Variants in TAFA2 observed in about 807,000 individuals in gnomAD.
TAFA2 encodes chemokine-like protein TAFA-2.
In TAFA2, 7 loss-of-function variants were observed where a neutral mutation model predicts 18.8. The ratio of observed to expected loss-of-function variants is 0.37; its 90% confidence interval spans 0.21 to 0.70. The LOEUF (loss-of-function observed/expected upper bound fraction) is 0.70, where lower values mean the gene tolerates loss of function less well. Ranked by LOEUF, TAFA2 falls within the 30% of genes least tolerant of loss-of-function variation. TAFA2 has a pLI of 0.53. For synonymous variants in TAFA2, 60 were observed against 54.2 expected, an observed-to-expected ratio of 1.11 and a Z score of -0.47; for missense variants, 122 against 158.1, an observed-to-expected ratio of 0.77 and a Z score of 1.23.
At chr12:62,210,257 A>G (rs1018443735) in intron 1 of TAFA2, among the ~76,000 whole-genome samples, 5 of 152,102 alleles carry the variant, frequency 3.3e-5, no homozygotes, top group Non-Finnish European at 7.4e-5. Context: ...TTTTCCCTCA[A>G]GAGCATCAAC....
At chr12:61,922,330 G>C (rs971981268) in intron 1 of TAFA2, among the ~76,000 whole-genome samples, 5 of 151,418 alleles carry the variant, frequency 3.3e-5, no homozygotes, top group African/African-American at 1.2e-4. Flanking sequence ...AATAGGAACA[G>C]CTCCGGTCTG....
intron 1 of TAFA2, among the ~76,000 whole-genome samples, chr12:62,094,226 T>A (rs1350308434): frequency 3.9e-5 from 6 of 152,018 alleles, no homozygotes; most frequent in Admixed American, 6.6e-5. Context: ...TTAGCCTCAC[T>A]CCGGAATGGA....
intron 2 of TAFA2, among the ~76,000 whole-genome samples, chr12:61,861,009 G>A (rs1004500412): frequency 1.3e-5 from 2 of 152,150 alleles, no homozygotes; most frequent in African/African-American, 4.8e-5. Flanking sequence ...GGAGTGCAGT[G>A]GTACAATCTT....
chr12:61,922,818 A>G (rs879057072), intron 1 of TAFA2, among the ~76,000 whole-genome samples: 26 of 152,280 alleles, frequency 1.7e-4, no homozygotes, highest in Admixed American at 3.9e-4. Context: ...ATCCACCCCC[A>G]TGGAGCCCAG....
At chr12:61,718,690 A>AT (rs1869765507) in intron 4 of TAFA2, among the ~76,000 whole-genome samples, 1 of 152,190 alleles carries the variant, frequency 6.6e-6, no homozygotes, top group African/African-American at 2.4e-5. Flanking sequence ...TGAAATTCTG[A>AT]ACTCAATTCA....
At chr12:61,710,591 C>T (rs922879264) in intron 4 of TAFA2, among the ~76,000 whole-genome samples, 174 bp from the exon 5 acceptor site, 1 of 152,056 alleles carries the variant, frequency 6.6e-6, no homozygotes, top group African/African-American at 2.4e-5. Context: ...TAAAAATATA[C>T]TTTTTTTCTC....
intron 1 of TAFA2, among the ~76,000 whole-genome samples, chr12:62,046,263 T>G (rs767903395): frequency 5.3e-5 from 8 of 152,140 alleles, no homozygotes; most frequent in Non-Finnish European, 1.5e-5. Context: ...GATAAGTCAG[T>G]TCTTGCACTG....
intron 1 of TAFA2, among the ~76,000 whole-genome samples, chr12:62,120,782 T>C (rs1175668550): frequency 6.6e-6 from 1 of 152,048 alleles, no homozygotes; most frequent in Non-Finnish European, 1.5e-5. Flanking sequence ...TCTAGTGGGG[T>C]ATCCCATCTA....
At chr12:62,109,418 C>T (rs1869618306) in intron 1 of TAFA2, among the ~76,000 whole-genome samples, 1 of 152,162 alleles carries the variant, frequency 6.6e-6, no homozygotes, top group African/African-American at 2.4e-5. Context: ...TAGTATGATG[C>T]CTCCACCTTT....
intron 1 of TAFA2, among the ~76,000 whole-genome samples, chr12:62,059,546 C>T (rs992362983): frequency 1.3e-5 from 2 of 150,726 alleles, no homozygotes; most frequent in Non-Finnish European, 3.0e-5. Flanking sequence ...TGGGGCGGGG[C>T]GGGGGGTTGC....
chr12:61,967,085 G>A (rs1319709441), intron 1 of TAFA2, among the ~76,000 whole-genome samples: 1 of 151,880 alleles, frequency 6.6e-6, no homozygotes, highest in Non-Finnish European at 1.5e-5. Flanking sequence ...AGTGATGAGA[G>A]ACTATATTAC....
At chr12:62,027,305 C>G (rs1022616880) in intron 1 of TAFA2, among the ~76,000 whole-genome samples, 10 of 152,158 alleles carry the variant, frequency 6.6e-5, no homozygotes, top group African/African-American at 2.4e-4. Context: ...AGGAAAGGAA[C>G]TAAGAACATA....
intron 1 of TAFA2, among the ~76,000 whole-genome samples, chr12:62,099,634 G>A (rs1043273641): frequency 1.3e-5 from 2 of 152,104 alleles, no homozygotes; most frequent in African/African-American, 2.4e-5. Flanking sequence ...ATTGAGAATG[G>A]AGCATTTTAG....
At chr12:61,737,625 G>A (rs1290789443) in intron 4 of TAFA2, among the ~76,000 whole-genome samples, 3 of 151,150 alleles carry the variant, frequency 2.0e-5, no homozygotes, top group African/African-American at 7.3e-5. Flanking sequence ...TATAAATGAA[G>A]ACAATCCATA....
At chr12:62,227,449 A>C (rs2062791880) in intron 1 of TAFA2, among the ~76,000 whole-genome samples, 1 of 152,154 alleles carries the variant, frequency 6.6e-6, no homozygotes, top group African/African-American at 2.4e-5. Flanking sequence ...AGCTCTGCAG[A>C]TCTTTTGCCC....
At position 62,044,067 on chromosome 12, in the gene TAFA2, A is replaced by G. The variant is rs576585796; in HGVS notation, c.-2+147192T>C. Among the ~76,000 whole-genome samples, 254 of 152,270 alleles carry G rather than the reference A, an allele frequency of 1.7e-3. 1 individual carries two copies. The highest frequency in any genetic ancestry group is 3.4e-3 in the Middle Eastern group (1 of 294). Reference sequence around the variant, plus strand: ...CTGCAAACCTTTTTCCATCTTTGCAATGCATACTTTCAGACATAGAGGTAT... The same window carrying G: ...CTGCAAACCTTTTTCCATCTTTGCAGTGCATACTTTCAGACATAGAGGTAT... On this transcript the variant is annotated intron_variant, in intron 1 of 4. Transcript: ENST00000416284.
At chr12:61,741,483 T>A (rs1565616655) in intron 4 of TAFA2, among the ~76,000 whole-genome samples, 1 of 152,154 alleles carries the variant, frequency 6.6e-6, no homozygotes, top group South Asian at 2.1e-4. Context: ...CTTGACATCA[T>A]GGAATATAAT....
At chr12:61,869,625 T>G (rs1874508367) in intron 1 of TAFA2, among the ~76,000 whole-genome samples, 1 of 152,082 alleles carries the variant, frequency 6.6e-6, no homozygotes, top group Admixed American at 6.5e-5. Context: ...TCCAAGAACC[T>G]CCTCCACAGT....
intron 1 of TAFA2, among the ~76,000 whole-genome samples, chr12:61,954,968 A>C: frequency 6.6e-6 from 1 of 152,166 alleles, no homozygotes; most frequent in Non-Finnish European, 1.5e-5. Context: ...TAACTGTTAG[A>C]AGCTTACCAG....
Sources: gnomAD v4.1 joint callset for allele counts (sites outside exome capture counted in the v4.1 genomes callset) on GRCh38, gnomAD v4.1.1 for gene constraint, MANE v1.5 for transcripts, NCBI Gene and HGNC (gene_info 2026-07-23, HGNC 2026-07-21) for gene names.